Variants in PACRG observed in about 807,000 individuals in gnomAD.
PACRG encodes the protein parkin coregulated gene protein.
PACRG carries 29 observed loss-of-function variants against 29.7 expected under a neutral mutation model. That is an observed-to-expected ratio of 0.98 (90% confidence interval 0.73 to 1.33). The LOEUF (loss-of-function observed/expected upper bound fraction) is 1.33, where lower values mean the gene tolerates loss of function less well. Ranked by LOEUF, PACRG falls within the 40% of genes most tolerant of loss-of-function variation. The pLI is 0.00. For missense variants in PACRG, 279 were observed against 316.2 expected (o/e 0.88, Z 0.89); for synonymous variants, 116 against 118.7 (o/e 0.98, Z 0.15).
At chr6:162,759,355 T>G (rs1782172459) in intron 1 of PACRG, among the ~76,000 whole-genome samples, 1 of 152,178 alleles carries the variant, frequency 6.6e-6, no homozygotes, top group Admixed American at 6.5e-5. Flanking sequence ...ATGTGAGCCG[T>G]GGCTCACATA....
intron 4 of PACRG, chr6:163,100,853 A>G: frequency 1.0e-6 from 1 of 984,048 alleles, no homozygotes; most frequent in Non-Finnish European, 1.2e-6. Context: ...AAAACTGCAA[A>G]TATTATTGAT....
chr6:162,943,957 C>A (rs935104949), intron 2 of PACRG, among the ~76,000 whole-genome samples: 2 of 152,130 alleles, frequency 1.3e-5, no homozygotes, highest in African/African-American at 4.8e-5. Context: ...TGCCTGAGGA[C>A]CCACCCACCT....
chr6:162,900,099 G>T (rs889775062), intron 2 of PACRG, among the ~76,000 whole-genome samples: 10 of 152,046 alleles, frequency 6.6e-5, no homozygotes, highest in African/African-American at 2.4e-4. Flanking sequence ...GAGAACTGAT[G>T]CTCTGGTATC....
chr6:162,989,446 A>G (rs1039510613), intron 2 of PACRG, among the ~76,000 whole-genome samples: 1 of 152,178 alleles, frequency 6.6e-6, no homozygotes, highest in Non-Finnish European at 1.5e-5. Flanking sequence ...ATGCTCAAGT[A>G]CCTGACATGA....
intron 4 of PACRG, among the ~76,000 whole-genome samples, chr6:163,121,248 A>G (rs917173623): frequency 6.6e-6 from 1 of 152,234 alleles, no homozygotes; most frequent in African/African-American, 2.4e-5. Context: ...TATAAACCAT[A>G]AAGCATTATA....
At chr6:162,940,721 T>C (rs1212535850) in intron 2 of PACRG, among the ~76,000 whole-genome samples, 1 of 152,194 alleles carries the variant, frequency 6.6e-6, no homozygotes, top group Non-Finnish European at 1.5e-5. Flanking sequence ...GACAGTTGCT[T>C]TTTCTGCTTC....
intron 1 of PACRG, among the ~76,000 whole-genome samples, chr6:162,783,403 T>A (rs1454624029): frequency 6.6e-6 from 1 of 151,956 alleles, no homozygotes; most frequent in Non-Finnish European, 1.5e-5. Context: ...TTAAGCATTC[T>A]TACTCATTCT....
At chr6:163,108,763 T>A (rs1282564492) in intron 4 of PACRG, among the ~76,000 whole-genome samples, 1 of 152,160 alleles carries the variant, frequency 6.6e-6, no homozygotes, top group Non-Finnish European at 1.5e-5. Flanking sequence ...CCTATAGCAA[T>A]GTGAGAACAG....
intron 4 of PACRG, among the ~76,000 whole-genome samples, chr6:163,101,994 A>G (rs1815119523): frequency 6.6e-6 from 1 of 152,204 alleles, no homozygotes; most frequent in South Asian, 2.1e-4. Flanking sequence ...TCCTTTAAAA[A>G]CAGACACTAT....
At chr6:162,806,563 C>G (rs557584615) in intron 1 of PACRG, among the ~76,000 whole-genome samples, 1 of 152,194 alleles carries the variant, frequency 6.6e-6, no homozygotes, top group East Asian at 1.9e-4. Context: ...ATACCAAGAG[C>G]TTTGTCAATG....
At chr6:163,016,717 A>C (rs1806146698) in intron 2 of PACRG, among the ~76,000 whole-genome samples, 1 of 152,218 alleles carries the variant, frequency 6.6e-6, no homozygotes, top group Admixed American at 6.5e-5. Context: ...TTGACAGGGA[A>C]ACTAGAATAT....
rs75334701 is a variant in PACRG at position 162,983,428 on chromosome 6, G to C, written c.292-78722G>C. On this transcript the variant is annotated intron_variant, in intron 2 of 4. Transcript: ENST00000366888. ...CCCTGTGAGATTTATGCTTCAGGAG[G>C]TTCTATTTTGGGGTATTTCAAGGTT... Among the ~76,000 whole-genome samples the C allele has an allele frequency of 4.2e-3, 640 of 151,958 alleles. 26 individuals are homozygous for C. In the East Asian group the frequency reaches 0.11, roughly 25 times the overall value.
chr6:162,884,989 C>A (rs1404070580), intron 2 of PACRG, among the ~76,000 whole-genome samples: 1 of 152,152 alleles, frequency 6.6e-6, no homozygotes, highest in African/African-American at 2.4e-5. Context: ...TCTCAATATA[C>A]ATTTTTTCAG....
At chr6:163,252,301 C>T (rs1411906142) in intron 4 of PACRG, among the ~76,000 whole-genome samples, 2 of 152,262 alleles carry the variant, frequency 1.3e-5, no homozygotes, top group Admixed American at 6.5e-5. Flanking sequence ...CGCCGGCCTT[C>T]GTTCCTAGGC....
At chr6:162,980,619 A>G (rs1409087907) in intron 2 of PACRG, among the ~76,000 whole-genome samples, 1 of 152,126 alleles carries the variant, frequency 6.6e-6, no homozygotes, top group Non-Finnish European at 1.5e-5. Flanking sequence ...GCAACAGGGA[A>G]ATACTGTTTT....
At chr6:162,810,427 T>G (rs914044620) in intron 1 of PACRG, among the ~76,000 whole-genome samples, 1 of 152,046 alleles carries the variant, frequency 6.6e-6, no homozygotes, top group Non-Finnish European at 1.5e-5. Context: ...ATCAGGAAGA[T>G]CTCAGAGTGA....
At chr6:162,981,253 A>G (rs1008311624) in intron 2 of PACRG, among the ~76,000 whole-genome samples, 1 of 149,950 alleles carries the variant, frequency 6.7e-6, no homozygotes. Context: ...TCCATGGTGT[A>G]TATCTATAAT....
intron 4 of PACRG, among the ~76,000 whole-genome samples, chr6:163,312,320 G>A (rs779050015): frequency 2.0e-5 from 3 of 152,178 alleles, no homozygotes; most frequent in Non-Finnish European, 2.9e-5. Flanking sequence ...ATTCTCTGCT[G>A]CTGACCTCCC....
At chr6:163,001,943 T>A (rs977478657) in intron 2 of PACRG, among the ~76,000 whole-genome samples, 4 of 152,230 alleles carry the variant, frequency 2.6e-5, no homozygotes, top group Non-Finnish European at 4.4e-5. Flanking sequence ...ATAATTACCC[T>A]ATTATGCATA....
Sources: gnomAD v4.1 joint callset for allele counts (sites outside exome capture counted in the v4.1 genomes callset) on GRCh38, gnomAD v4.1.1 for gene constraint, MANE v1.5 for transcripts, NCBI Gene and HGNC (gene_info 2026-07-23, HGNC 2026-07-21) for gene names.